The following RAD23B variants were observed in gnomAD, a reference collection of about 807,000 sequenced individuals.
The protein encoded by RAD23B is RAD23 nucleotide excision repair protein B.
RAD23B carries 5 observed loss-of-function variants against 49.1 expected under a neutral mutation model. The ratio of observed to expected loss-of-function variants is 0.10; its 90% CI spans 0.05 to 0.21. RAD23B has a LOEUF of 0.21. RAD23B is among the 10% of genes least tolerant of loss of function. The pLI, the probability that RAD23B is intolerant of heterozygous loss-of-function variation, is 1.00. For missense variants in RAD23B, 356 were observed against 486.7 expected (o/e 0.73, Z 2.53); for synonymous variants, 184 against 165.4 (o/e 1.11, Z -0.86).
intron 9 of RAD23B, among the ~76,000 whole-genome samples, chr9:107,326,842 G>T (rs1450849389): frequency 1.3e-5 from 2 of 151,642 alleles, no homozygotes; most frequent in Non-Finnish European, 2.9e-5. Context: ...GTTTCAACAT[G>T]TTAGCCAGGG....
chr9:107,298,829 CTGA>C (rs1324139206), intron 1 of RAD23B, among the ~76,000 whole-genome samples: 1 of 150,564 alleles, frequency 6.6e-6, no homozygotes, highest in African/African-American at 2.4e-5. Flanking sequence ...TTTTGCAAAT[CTGA>C]TGTTTGGCTT....
chr9:107,283,749 C>G (rs1833208005), intron 1 of RAD23B, 54 bp downstream of exon 1: 1 of 1,351,172 alleles, frequency 7.4e-7, no homozygotes, highest in Non-Finnish European at 9.6e-7. Context: ...CGGGGAGCGC[C>G]AGGAGCTCGT....
At chr9:107,297,927 T>C (rs1338767354) in intron 1 of RAD23B, among the ~76,000 whole-genome samples, 1 of 152,230 alleles carries the variant, frequency 6.6e-6, no homozygotes, top group Non-Finnish European at 1.5e-5. Context: ...GTGTCTTTTT[T>C]TCTTCACATA....
intron 9 of RAD23B, 174 bp downstream of exon 9, chr9:107,325,178 G>T (rs1451554421): frequency 2.1e-6 from 1 of 475,272 alleles, no homozygotes; most frequent in African/African-American, 2.0e-5. Context: ...AGCTGGCGTG[G>T]TGGCACATAC....
chr9:107,319,579 G>T (rs1040279308), intron 6 of RAD23B, among the ~76,000 whole-genome samples: 1 of 152,044 alleles, frequency 6.6e-6, no homozygotes, highest in African/African-American at 2.4e-5. Flanking sequence ...CCAGATTTTT[G>T]CAAGGGATTA....
intron 4 of RAD23B, among the ~76,000 whole-genome samples, chr9:107,308,329 C>T (rs993928765): frequency 6.6e-5 from 10 of 151,862 alleles, no homozygotes; most frequent in African/African-American, 2.4e-4. Flanking sequence ...AGCGATTCTC[C>T]TGTCTCAGCC....
chr9:107,317,796 A>G (rs1827024962), intron 5 of RAD23B, among the ~76,000 whole-genome samples: 1 of 152,028 alleles, frequency 6.6e-6, no homozygotes, highest in African/African-American at 2.4e-5. Context: ...TGTTGTCTGT[A>G]TTGAGAGGAG....
At chr9:107,287,651 A>C (rs557617897) in intron 1 of RAD23B, among the ~76,000 whole-genome samples, 15 of 152,210 alleles carry the variant, frequency 9.9e-5, no homozygotes, top group African/African-American at 3.6e-4. Flanking sequence ...CCTGACCAAC[A>C]TGGTGAAACC....
chr9:107,283,779 C>T (rs1376300629), intron 1 of RAD23B, 84 bp downstream of exon 1: 6 of 1,233,632 alleles, frequency 4.9e-6, no homozygotes, highest in Middle Eastern at 3.1e-4. Context: ...CGGCGCGCTC[C>T]AGCGGGGGAA....
Position 107,289,991 on chromosome 9 carries a change from T to C in RAD23B, c.66+6296T>C, listed in dbSNP as rs552214726. On this transcript the variant is annotated intron_variant, in intron 1 of 9. Transcript: ENST00000358015. ...TTAAGTTCATGAGCACTAAGGAACA[T>C]TAAGGCACACTAAGGAACCTTAATT... is the stretch of plus-strand genomic sequence containing the variant. Among the ~76,000 whole-genome samples the C allele has an allele frequency of 5.9e-5, 9 of 152,306 alleles. No homozygotes were observed. The East Asian group carries it at 1.7e-3, about 29-fold the overall frequency.
intron 3 of RAD23B, among the ~76,000 whole-genome samples, chr9:107,304,645 C>A (rs1353667006): frequency 6.6e-6 from 1 of 152,176 alleles, no homozygotes; most frequent in Admixed American, 6.5e-5. Context: ...ATGCCTGTGG[C>A]AAATTATGTT....
chr9:107,331,923 G>A lies in RAD23B; in HGVS notation c.*2267G>A, dbSNP rs566963270. 8.3e-5 allele frequency: 39 copies of A among 470,204 alleles called. 1 individual carries two copies. Among genetic ancestry groups the A allele is most frequent in the African/African-American group, 7.1e-4 (36 of 51,026 alleles). 29.1% of individuals were successfully genotyped at this position (470,204 alleles called of 1,614,324 possible). ...GCTGTTAATGTTTAATTTACAAACT[G>A]TTTTGGTAAATCTCTTAATGTAAGT... On this transcript the variant is annotated 3_prime_UTR_variant, in exon 10 of 10. Coordinates refer to ENST00000358015, the MANE Select transcript of RAD23B (RefSeq NM_002874.5).
chr9:107,300,011 C>A, intron 1 of RAD23B, 130 bp from the exon 2 acceptor site: 1 of 1,182,458 alleles, frequency 8.5e-7, no homozygotes, highest in Non-Finnish European at 1.1e-6. Context: ...ATTGGAAAAA[C>A]ATAATATTTG....
At chr9:107,311,849 C>G (rs964868375) in intron 5 of RAD23B, 112 bp downstream of exon 5, 55 of 767,568 alleles carry the variant, frequency 7.2e-5, no homozygotes, top group Non-Finnish European at 1.1e-4. Context: ...TATAATCAAG[C>G]TGTAAGATGA....
intron 1 of RAD23B, among the ~76,000 whole-genome samples, chr9:107,298,031 A>G (rs1211908790): frequency 6.6e-6 from 1 of 152,206 alleles, no homozygotes; most frequent in Non-Finnish European, 1.5e-5. Flanking sequence ...AACTGGGTTT[A>G]TGCATAGAGA....
intron 6 of RAD23B, among the ~76,000 whole-genome samples, chr9:107,319,624 T>C (rs1199318659): frequency 6.6e-6 from 1 of 152,218 alleles, no homozygotes; most frequent in African/African-American, 2.4e-5. Flanking sequence ...TCTAATTCAT[T>C]ATCCTCTGAT....
At chr9:107,323,798 T>A (rs11573713) in intron 7 of RAD23B, 92 bp from the exon 8 acceptor site, 1 of 1,168,384 alleles carries the variant, frequency 8.6e-7, no homozygotes, top group Admixed American at 1.9e-5. Context: ...TCATTTTTTC[T>A]TTGATAGTGT....
At position 107,325,053 on chromosome 9, in the gene RAD23B, GC is replaced by G. The variant is rs774995247; in HGVS notation, c.1116+51del. ...AAAATTAGTTCTTGGCTGGGCTCAT[GC>G]CTGTAATTCCAGCACTTTGGGAGGC... On this transcript the variant is annotated intron_variant, in intron 9 of 9. Coordinates refer to ENST00000358015, the MANE Select transcript of RAD23B (RefSeq NM_002874.5). 6.5e-6 allele frequency: 10 copies of G among 1,546,760 alleles called. No homozygotes were observed. In the Admixed American group the frequency reaches 1.2e-4, roughly 19 times the overall value.
At chr9:107,323,173 G>C (rs1436440273) in intron 7 of RAD23B, among the ~76,000 whole-genome samples, 2 of 152,128 alleles carry the variant, frequency 1.3e-5, no homozygotes, top group African/African-American at 4.8e-5. Flanking sequence ...GAAAAAGCCA[G>C]AAGTTCTGTA....
Sources: allele counts gnomAD v4.1 joint callset (sites outside exome capture counted in the v4.1 genomes callset), GRCh38; gene constraint gnomAD v4.1.1; transcripts MANE v1.5; gene names NCBI Gene and HGNC (gene_info 2026-07-23, HGNC 2026-07-21).